The following CTDSPL2 variants were observed in gnomAD, a reference collection of about 807,000 sequenced individuals.
CTDSPL2 encodes the protein CTD small phosphatase-like protein 2.
Under a neutral mutation model 60.0 loss-of-function variants are expected in CTDSPL2, and 5 were observed. That is an observed-to-expected ratio of 0.08 (90% confidence interval 0.04 to 0.18). CTDSPL2 has a LOEUF of 0.18. CTDSPL2 is among the 10% of genes least tolerant of loss of function. The probability of loss-of-function intolerance (pLI) is 1.00; values close to 1 mark genes in which losing one functional copy is unlikely to be tolerated. For missense variants in CTDSPL2, 370 were observed against 548.8 expected (o/e 0.67, Z 3.26); for synonymous variants, 186 against 189.3 (o/e 0.98, Z 0.14).
At chr15:44,434,086 A>T (rs1456419200) in intron 1 of CTDSPL2, among the ~76,000 whole-genome samples, 4 of 151,932 alleles carry the variant, frequency 2.6e-5, no homozygotes, top group South Asian at 2.1e-4. Context: ...TTATTTATTT[A>T]TTTATTTATT....
intron 4 of CTDSPL2, among the ~76,000 whole-genome samples, chr15:44,489,567 CAG>C (rs1468581150): frequency 1.6e-4 from 24 of 152,274 alleles, no homozygotes; most frequent in African/African-American, 5.5e-4. Context: ...TGAAGTTTCT[CAG>C]TGTTAATGTC....
At chr15:44,496,534 CTA>C in intron 6 of CTDSPL2, 76 bp downstream of exon 6, 1 of 1,116,598 alleles carries the variant, frequency 9.0e-7, no homozygotes, top group Non-Finnish European at 1.4e-6. Context: ...GGATTGGTGG[CTA>C]AATAGTATAT....
chr15:44,430,640 A>G (rs955466058), intron 1 of CTDSPL2, among the ~76,000 whole-genome samples: 12 of 152,206 alleles, frequency 7.9e-5, no homozygotes, highest in Non-Finnish European at 1.5e-4. Context: ...GGAAAAAGCA[A>G]TATCTAATTG....
At chr15:44,476,288 G>T (rs1047551135) in intron 2 of CTDSPL2, among the ~76,000 whole-genome samples, 1 of 151,918 alleles carries the variant, frequency 6.6e-6, no homozygotes, top group Admixed American at 6.6e-5. Context: ...GGATGGTCTC[G>T]ATCTCCTGAC....
At chr15:44,517,399 C>T (rs769996516) in intron 10 of CTDSPL2, 16 of 151,190 alleles carry the variant, frequency 1.1e-4, no homozygotes, top group Non-Finnish European at 1.9e-4. Flanking sequence ...GTAATCCCAG[C>T]TACTCGGGAG....
At chr15:44,513,760 G>T (rs779730046) in intron 8 of CTDSPL2, among the ~76,000 whole-genome samples, 1 of 152,138 alleles carries the variant, frequency 6.6e-6, no homozygotes, top group Non-Finnish European at 1.5e-5. Context: ...TTTTCTTTCT[G>T]TAAAATTTTG....
At chr15:44,437,598 G>A (rs377033023) in intron 1 of CTDSPL2, among the ~76,000 whole-genome samples, 1 of 152,164 alleles carries the variant, frequency 6.6e-6, no homozygotes. Flanking sequence ...TCAGTGATAC[G>A]GTCTCCTTCA....
At position 44,524,220 on chromosome 15, in the gene CTDSPL2, C is replaced by A. The variant is rs761548807; in HGVS notation, c.*46C>A. 21 of 1,495,760 alleles carry A rather than the reference C, an allele frequency of 1.4e-5. No individual in the cohort carries two copies. In the African/African-American group the frequency reaches 2.9e-4, roughly 21 times the overall value. The allele number at this position is 1,495,760 out of a possible 1,614,324, so 92.7% of individuals were successfully genotyped here. A position where few individuals can be genotyped will look rare whatever the true frequency, so the allele number is the denominator to read the frequency against. ...ACTGAAGGGGGAGAGAATGCAGGAC[C>A]CTTTTGGACTAAGACAAAAACATTG... On this transcript the variant is annotated 3_prime_UTR_variant, in exon 13 of 13. Coordinates refer to ENST00000260327, the MANE Select transcript of CTDSPL2 (RefSeq NM_016396.3).
chr15:44,510,873 G>A (rs974937134), intron 8 of CTDSPL2, among the ~76,000 whole-genome samples: 2 of 152,208 alleles, frequency 1.3e-5, no homozygotes, highest in Non-Finnish European at 1.5e-5. Context: ...GTACCTGACA[G>A]ATGTTCTTTA....
intron 4 of CTDSPL2, among the ~76,000 whole-genome samples, chr15:44,487,229 G>C (rs1453439085): frequency 2.0e-5 from 3 of 152,164 alleles, no homozygotes; most frequent in African/African-American, 7.2e-5. Flanking sequence ...CAAGACAGGA[G>C]AATTGCTCAA....
At chr15:44,481,860 A>T (rs2081033104) in intron 2 of CTDSPL2, among the ~76,000 whole-genome samples, 1 of 152,220 alleles carries the variant, frequency 6.6e-6, no homozygotes, top group East Asian at 1.9e-4. Flanking sequence ...GGCTTCAGCC[A>T]CAGCGCCCGG....
intron 1 of CTDSPL2, among the ~76,000 whole-genome samples, chr15:44,434,543 A>C (rs1046833604): frequency 8.5e-5 from 13 of 152,166 alleles, no homozygotes; most frequent in Non-Finnish European, 1.9e-4. Context: ...ACAGGTGTGC[A>C]CCACCACGCC....
At chr15:44,453,007 C>T (rs1372497369) in intron 1 of CTDSPL2, among the ~76,000 whole-genome samples, 5 of 152,022 alleles carry the variant, frequency 3.3e-5, no homozygotes, top group Non-Finnish European at 2.9e-5. Context: ...TTTTGGTAGA[C>T]GGCAAGTTTT....
intron 5 of CTDSPL2, among the ~76,000 whole-genome samples, chr15:44,491,432 A>G (rs1008707286): frequency 2.0e-5 from 3 of 152,176 alleles, no homozygotes; most frequent in Non-Finnish European, 2.9e-5. Flanking sequence ...AGATCTCCCT[A>G]TATACCTAAG....
At chr15:44,448,005 C>G (rs1479169941) in intron 1 of CTDSPL2, 1 of 212,708 alleles carries the variant, frequency 4.7e-6, no homozygotes, top group African/African-American at 2.3e-5. Context: ...ACTGTTGGCA[C>G]CCGTCCACCC....
intron 2 of CTDSPL2, among the ~76,000 whole-genome samples, chr15:44,474,135 A>T (rs2080865108): frequency 6.6e-6 from 1 of 152,032 alleles, no homozygotes; most frequent in South Asian, 2.1e-4. Flanking sequence ...GAATGTTAAG[A>T]CTCATATATA....
intron 1 of CTDSPL2, among the ~76,000 whole-genome samples, chr15:44,441,868 C>G (rs552234918): frequency 6.6e-6 from 1 of 152,272 alleles, no homozygotes; most frequent in South Asian, 2.1e-4. Flanking sequence ...TAGAAGTGCT[C>G]TTCTCTTTCT....
chr15:44,473,581 C>G (rs1245672148), intron 2 of CTDSPL2, among the ~76,000 whole-genome samples: 1 of 152,206 alleles, frequency 6.6e-6, no homozygotes, highest in African/African-American at 2.4e-5. Flanking sequence ...AGGCGTGAAC[C>G]ACTGCGCCCA....
At position 44,499,732 on chromosome 15, in the gene CTDSPL2, A is replaced by G; in HGVS notation, c.888A>G (p.Glu296=). 6.4e-7 allele frequency: 1 copy of G among 1,572,468 alleles called. No individual in the cohort carries two copies. The highest frequency in any genetic ancestry group is 8.7e-7 in the Non-Finnish European group (1 of 1,149,618). The part of the protein sequence containing the change: ...PEFSLVLDLD[E]TLVHCSLNEL... ...TTTCTGTTTTTTATTTTAAGGATGAAACACTAGTGCATTGTAGTCTAAATG... is the reference window on the plus strand; with the variant it reads ...TTTCTGTTTTTTATTTTAAGGATGAGACACTAGTGCATTGTAGTCTAAATG... Residue 296 remains glutamate (E), a synonymous_variant, in exon 8 of 13, where the codon GAA becomes GAG. Coordinates refer to ENST00000260327, the MANE Select transcript of CTDSPL2 (RefSeq NM_016396.3).
Sources: allele counts gnomAD v4.1 joint callset (sites outside exome capture counted in the v4.1 genomes callset), GRCh38; gene constraint gnomAD v4.1.1; transcripts MANE v1.5; gene names NCBI Gene and HGNC (gene_info 2026-07-23, HGNC 2026-07-21).